XYLT1: variants seen among roughly 807,000 people sequenced by gnomAD.
XYLT1 encodes the protein beta-D-xylosyltransferase 1.
Under a neutral mutation model 91.3 loss-of-function variants are expected in XYLT1, and 36 were observed. The observed-to-expected ratio is 0.39, with a 90% CI of 0.30 to 0.52. XYLT1 has a LOEUF of 0.52. XYLT1 is among the 20% of genes least tolerant of loss of function. XYLT1 has a pLI of 0.68. For synonymous variants in XYLT1, 588 were observed against 532.0 expected (o/e 1.11, Z -1.45); for missense variants, 1,242 against 1,284.5 (o/e 0.97, Z 0.51).
chr16:17,199,399 G>A (rs192662655), intron 4 of XYLT1, among the ~76,000 whole-genome samples: 162 of 152,306 alleles, frequency 1.1e-3, no homozygotes, highest in Middle Eastern at 3.4e-3. Context: ...TAGCACAAGG[G>A]CAGTGCTGAG....
intron 1 of XYLT1, among the ~76,000 whole-genome samples, chr16:17,413,180 C>T (rs1173483890): frequency 1.3e-5 from 2 of 152,088 alleles, no homozygotes; most frequent in African/African-American, 4.8e-5. Context: ...CTATTTGTGC[C>T]CCCGGGACCT....
chr16:17,440,735 T>C (rs1202135003), intron 1 of XYLT1, among the ~76,000 whole-genome samples: 4 of 152,310 alleles, frequency 2.6e-5, no homozygotes, highest in Admixed American at 2.6e-4. Context: ...AAATATAAGC[T>C]TCCTAGTGTA....
chr16:17,335,839 A>C (rs1056440875), intron 2 of XYLT1, among the ~76,000 whole-genome samples: 11 of 152,226 alleles, frequency 7.2e-5, no homozygotes, highest in Non-Finnish European at 1.5e-5. Flanking sequence ...TAAAAGGGAA[A>C]CATTACTCCT....
intron 2 of XYLT1, among the ~76,000 whole-genome samples, chr16:17,351,232 T>C (rs1221915893): frequency 2.0e-5 from 3 of 152,074 alleles, no homozygotes; most frequent in African/African-American, 7.2e-5. Context: ...GATAAATGTG[T>C]CGGCCAGGCA....
chr16:17,187,286 C>A (rs1240806550), intron 5 of XYLT1, among the ~76,000 whole-genome samples: 1 of 148,326 alleles, frequency 6.7e-6, no homozygotes, highest in Non-Finnish European at 1.5e-5. Context: ...CCCAGCTACT[C>A]GGGAGGCTGA....
chr16:17,429,595 C>T (rs1385370040), intron 1 of XYLT1, among the ~76,000 whole-genome samples: 1 of 152,198 alleles, frequency 6.6e-6, no homozygotes, highest in African/African-American at 2.4e-5. Context: ...CTTCTGGGTG[C>T]ATCTGTGAAG....
intron 1 of XYLT1, among the ~76,000 whole-genome samples, chr16:17,379,793 A>ACCCC (rs1555501169): frequency 3.5e-5 from 5 of 142,328 alleles, no homozygotes; most frequent in Non-Finnish European, 6.2e-5. Flanking sequence ...ACACACACAC[A>ACCCC]CCCCTTACCT....
chr16:17,228,101 G>C (rs1314142126), intron 3 of XYLT1: 1 of 152,218 alleles, frequency 6.6e-6, no homozygotes, highest in Non-Finnish European at 1.5e-5. Context: ...ATGAGGAATA[G>C]AGTCATTGCT....
In XYLT1 at chr16:17,104,488, T is replaced by G. The variant is rs1338110646; in HGVS notation, c.*4207A>C. ...AGAGGTCCCCATTCCGAGTTCAACATGGGCTGTTATTTTTGCCCTGACCTG... is the reference window on the plus strand; with the variant it reads ...AGAGGTCCCCATTCCGAGTTCAACAGGGGCTGTTATTTTTGCCCTGACCTG... On this transcript the variant is annotated 3_prime_UTR_variant, in exon 12 of 12. Transcript: ENST00000261381. 1 of 152,194 alleles carries G rather than the reference T, an allele frequency of 6.6e-6. No individual in the cohort carries two copies. The highest frequency in any genetic ancestry group is 2.4e-5 in the African/African-American group (1 of 41,440). 9.4% of individuals were successfully genotyped at this position (152,194 alleles called of 1,614,324 possible). A position where few individuals can be genotyped will look rare whatever the true frequency, so the allele number is the denominator to read the frequency against.
chr16:17,244,314 A>T (rs955327085), intron 3 of XYLT1, among the ~76,000 whole-genome samples: 1 of 152,004 alleles, frequency 6.6e-6, no homozygotes, highest in African/African-American at 2.4e-5. Flanking sequence ...GCCGGCAAGC[A>T]CTGTCCTTGA....
Position 17,247,240 on chromosome 16 carries a change from ACCCTGGGTGG to A in XYLT1, c.913+11738_913+11747del, listed in dbSNP as rs2033451959. 4.0e-5 allele frequency among the ~76,000 whole-genome samples: 6 copies of A among 148,290 alleles called. No homozygotes were observed. The Admixed American group carries it at 4.1e-4, about 10-fold the overall frequency. On this transcript the variant is annotated intron_variant, in intron 3 of 11. Coordinates refer to ENST00000261381, the MANE Select transcript of XYLT1 (RefSeq NM_022166.4). Reference sequence around the variant, plus strand: ...CTTGCACTAAGTCTCTGTCTTGGGGACCCTGGGTGGCAGACACACAATCAGTTGTGCCCAA... The same window carrying A: ...CTTGCACTAAGTCTCTGTCTTGGGGACAGACACACAATCAGTTGTGCCCAA...
chr16:17,142,431 A>ATT (rs71137975), intron 6 of XYLT1, among the ~76,000 whole-genome samples: 53,982 of 122,590 alleles, frequency 0.44, 13,539 homozygotes, highest in Non-Finnish European at 0.54. Flanking sequence ...AAATCCTGTA[A>ATT]TTTTTTTTTT....
chr16:17,173,266 C>T (rs2031867600), intron 5 of XYLT1, among the ~76,000 whole-genome samples: 1 of 152,206 alleles, frequency 6.6e-6, no homozygotes, highest in Non-Finnish European at 1.5e-5. Context: ...GCACGCCACA[C>T]TACCTCCACG....
intron 1 of XYLT1, among the ~76,000 whole-genome samples, chr16:17,428,723 G>C (rs577981742): frequency 1.2e-3 from 177 of 152,288 alleles, no homozygotes; most frequent in Middle Eastern, 3.4e-3. Flanking sequence ...CGGCCGTGTG[G>C]TAGTTTTCCA....
At chr16:17,437,981 CAGA>C (rs1197678665) in intron 1 of XYLT1, among the ~76,000 whole-genome samples, 3 of 152,060 alleles carry the variant, frequency 2.0e-5, no homozygotes, top group Non-Finnish European at 2.9e-5. Context: ...TACAAACTAT[CAGA>C]AGAAGAAAAA....
chr16:17,428,702 C>G (rs1027853778), intron 1 of XYLT1, among the ~76,000 whole-genome samples: 1 of 152,156 alleles, frequency 6.6e-6, no homozygotes, highest in Non-Finnish European at 1.5e-5. Flanking sequence ...CCAGGGGTTT[C>G]GGGAAGCTTT....
At chr16:17,117,462 G>A (rs1044559096) in intron 11 of XYLT1, among the ~76,000 whole-genome samples, 184 bp downstream of exon 11, 1 of 152,298 alleles carries the variant, frequency 6.6e-6, no homozygotes, top group Admixed American at 6.5e-5. Context: ...TCATCTCCGT[G>A]TGCAGGTAGG....
At chr16:17,282,325 T>G (rs996480803) in intron 2 of XYLT1, among the ~76,000 whole-genome samples, 1 of 152,066 alleles carries the variant, frequency 6.6e-6, no homozygotes, top group East Asian at 1.9e-4. Context: ...ACAATGCCCT[T>G]TTGAATGGCG....
At chr16:17,307,165 G>T (rs555625209) in intron 2 of XYLT1, among the ~76,000 whole-genome samples, 1 of 152,216 alleles carries the variant, frequency 6.6e-6, no homozygotes, top group South Asian at 2.1e-4. Flanking sequence ...TGTAACCTCC[G>T]CCTCCCGGGT....
Sources: gnomAD v4.1 joint callset for allele counts (sites outside exome capture counted in the v4.1 genomes callset) on GRCh38, gnomAD v4.1.1 for gene constraint, MANE v1.5 for transcripts, NCBI Gene and HGNC (gene_info 2026-07-23, HGNC 2026-07-21) for gene names.